The following CCDC141 variants were observed in gnomAD, a reference collection of about 807,000 sequenced individuals.
CCDC141 encodes coiled-coil domain containing 141, also known as coiled-coil domain-containing protein 141.
CCDC141 carries 168 observed loss-of-function variants against 181.0 expected under a neutral mutation model. That is an observed-to-expected ratio of 0.93 (90% CI 0.82 to 1.05). CCDC141 has a LOEUF of 1.05. Ranked by LOEUF, CCDC141 falls within the 50% of genes least tolerant of loss-of-function variation. The probability of loss-of-function intolerance (pLI) is 0.00; values close to 1 mark genes in which losing one functional copy is unlikely to be tolerated. For missense variants in CCDC141, 1,902 were observed against 1,788.5 expected, an observed-to-expected ratio of 1.06 and a Z score of -1.14; for synonymous variants, 666 against 642.3, an observed-to-expected ratio of 1.04 and a Z score of -0.56.
At chr2:179,034,331 C>T (rs1559062426) in intron 2 of CCDC141, among the ~76,000 whole-genome samples, 1 of 152,038 alleles carries the variant, frequency 6.6e-6, no homozygotes, top group East Asian at 1.9e-4. Context: ...GAACAACAGA[C>T]ATTGGGTCCT....
intron 7 of CCDC141, 138 bp downstream of exon 7, chr2:178,918,575 A>C (rs1010064992): frequency 1.6e-6 from 1 of 613,282 alleles, no homozygotes; most frequent in African/African-American, 1.8e-5. Flanking sequence ...TATATGTTAA[A>C]AGCTCTCTTT....
intron 8 of CCDC141, among the ~76,000 whole-genome samples, chr2:178,892,068 C>G (rs1013516529): frequency 1.3e-5 from 2 of 152,138 alleles, no homozygotes; most frequent in African/African-American, 4.8e-5. Flanking sequence ...TTTGAAATGT[C>G]GTAGTAACAG....
chr2:178,992,046 A>G (rs1166915955), intron 2 of CCDC141, among the ~76,000 whole-genome samples: 1 of 151,952 alleles, frequency 6.6e-6, no homozygotes, highest in Non-Finnish European at 1.5e-5. Flanking sequence ...TTTCTCAAGT[A>G]TGTACCCAAA....
the CCDC141 span, among the ~76,000 whole-genome samples, chr2:178,821,028 G>T: frequency 6.6e-6 from 1 of 152,084 alleles, no homozygotes; most frequent in African/African-American, 2.4e-5. Context: ...AACTAGGTTT[G>T]CATTTGTCTA....
At chr2:178,870,691 A>T (rs2154369094) in intron 14 of CCDC141, among the ~76,000 whole-genome samples, 1 of 152,326 alleles carries the variant, frequency 6.6e-6, no homozygotes, top group South Asian at 2.1e-4. Context: ...CCCTAAAGGA[A>T]TCTTCAATAT....
chr2:178,996,447 G>T (rs1235990708), intron 2 of CCDC141, among the ~76,000 whole-genome samples: 6 of 152,092 alleles, frequency 3.9e-5, no homozygotes, highest in Admixed American at 2.6e-4. Context: ...TTCATTCTAG[G>T]GAAAACCAGG....
chr2:178,818,787 T>C, the CCDC141 span, among the ~76,000 whole-genome samples: 3 of 152,230 alleles, frequency 2.0e-5, no homozygotes, highest in Non-Finnish European at 4.4e-5. Flanking sequence ...CTTTTGGGTA[T>C]ATACCCAGTA....
chr2:178,962,480 C>T (rs1424024461), intron 4 of CCDC141, among the ~76,000 whole-genome samples: 1 of 152,166 alleles, frequency 6.6e-6, no homozygotes, highest in East Asian at 1.9e-4. Context: ...TCATTTGTTG[C>T]CTGGATGTGC....
intron 16 of CCDC141, among the ~76,000 whole-genome samples, chr2:178,866,600 T>A (rs1230505737): frequency 6.6e-6 from 1 of 152,224 alleles, no homozygotes; most frequent in Non-Finnish European, 1.5e-5. Flanking sequence ...AATGGGCCAT[T>A]ATGATTTTAT....
intron 2 of CCDC141, among the ~76,000 whole-genome samples, chr2:179,000,630 T>A (rs1331909767): frequency 1.3e-5 from 2 of 152,184 alleles, no homozygotes; most frequent in Admixed American, 6.5e-5. Flanking sequence ...ATTATTCCCC[T>A]GTTGTTAAAT....
intron 2 of CCDC141, among the ~76,000 whole-genome samples, chr2:178,991,805 AATT>A (rs1391081643): frequency 6.6e-6 from 1 of 152,016 alleles, no homozygotes; most frequent in Non-Finnish European, 1.5e-5. Context: ...AAATATGTGC[AATT>A]ATTATGTATC....
chr2:178,916,279 G>GA (rs1325845691), intron 7 of CCDC141, among the ~76,000 whole-genome samples: 1 of 152,014 alleles, frequency 6.6e-6, no homozygotes, highest in Non-Finnish European at 1.5e-5. Flanking sequence ...TTTTATTCTA[G>GA]AAAAAACATT....
intron 7 of CCDC141, among the ~76,000 whole-genome samples, chr2:178,917,436 T>G (rs1688501777): frequency 1.3e-5 from 2 of 152,214 alleles, no homozygotes; most frequent in Non-Finnish European, 2.9e-5. Context: ...TTTCAAAAAG[T>G]TTCTTATTAG....
chr2:179,013,480 G>C (rs111296618), intron 2 of CCDC141, among the ~76,000 whole-genome samples: 5,096 of 152,098 alleles, frequency 0.034, 100 homozygotes, highest in South Asian at 0.059. Context: ...TGAACAAATG[G>C]ACACACATCC....
intron 17 of CCDC141, among the ~76,000 whole-genome samples, chr2:178,859,849 G>C (rs1199734241): frequency 6.6e-6 from 1 of 152,210 alleles, no homozygotes; most frequent in Non-Finnish European, 1.5e-5. Context: ...GAAAGAAGCA[G>C]AAGGGAAAGA....
intron 8 of CCDC141, among the ~76,000 whole-genome samples, chr2:178,900,851 T>C (rs903872665): frequency 6.6e-6 from 1 of 152,078 alleles, no homozygotes; most frequent in Non-Finnish European, 1.5e-5. Flanking sequence ...GAAAAACAAG[T>C]ACATGAGCAA....
chr2:179,021,904 G>A (rs1325069120), intron 2 of CCDC141, among the ~76,000 whole-genome samples: 2 of 152,048 alleles, frequency 1.3e-5, no homozygotes, highest in African/African-American at 2.4e-5. Context: ...CAAAATAATT[G>A]TTCCAAAAAT....
chr2:178,965,723 C>A (rs1690596866), intron 4 of CCDC141, among the ~76,000 whole-genome samples: 1 of 152,152 alleles, frequency 6.6e-6, no homozygotes, highest in African/African-American at 2.4e-5. Context: ...TGCAGGGATT[C>A]TTTTTTTCCA....
intron 2 of CCDC141, among the ~76,000 whole-genome samples, chr2:179,015,092 A>G (rs2042406830): frequency 1.6e-4 from 7 of 43,700 alleles, no homozygotes; most frequent in Non-Finnish European, 4.2e-4. Context: ...ATATATATAT[A>G]TATATATATA....
Sources: allele counts gnomAD v4.1 joint callset (sites outside exome capture counted in the v4.1 genomes callset), GRCh38; gene constraint gnomAD v4.1.1; transcripts MANE v1.5; gene names NCBI Gene and HGNC (gene_info 2026-07-23, HGNC 2026-07-21).